The following PPP1R9A variants were observed in gnomAD, a reference collection of about 807,000 sequenced individuals.
PPP1R9A encodes protein phosphatase 1 regulatory subunit 9A.
In PPP1R9A, 59 loss-of-function variants were observed where a neutral mutation model predicts 141.9. The observed-to-expected ratio is 0.42, with a 90% CI of 0.34 to 0.52. The LOEUF is 0.52. Among genes scored for constraint, PPP1R9A ranks in the 20% least tolerant of loss-of-function variants. The probability of loss-of-function intolerance (pLI) is 0.10; values close to 1 mark genes in which losing one functional copy is unlikely to be tolerated. For missense variants in PPP1R9A, 1,444 were observed against 1,611.9 expected (o/e 0.90, Z 1.78); for synonymous variants, 500 against 569.7 (o/e 0.88, Z 1.74).
intron 2 of PPP1R9A, among the ~76,000 whole-genome samples, chr7:95,023,875 T>TGTTA (rs1380707081): frequency 1.3e-5 from 2 of 152,180 alleles, no homozygotes; most frequent in Non-Finnish European, 2.9e-5. Context: ...TTAATTGTGA[T>TGTTA]GTTAGGGTGT....
At chr7:95,006,920 T>G (rs1256647775) in intron 2 of PPP1R9A, among the ~76,000 whole-genome samples, 4 of 151,752 alleles carry the variant, frequency 2.6e-5, no homozygotes, top group Non-Finnish European at 4.4e-5. Context: ...TGGAGTGCAA[T>G]GCTGCGATCT....
chr7:95,039,506 C>T lies in PPP1R9A; in HGVS notation c.1396-71753C>T, dbSNP rs548136745. Among the ~76,000 whole-genome samples the T allele has an allele frequency of 2.7e-5, 4 of 150,028 alleles. No homozygotes were observed. In the East Asian group the frequency reaches 7.8e-4, roughly 29 times the overall value. On this transcript the variant is annotated intron_variant, in intron 2 of 19. Coordinates refer to ENST00000433360, the MANE Select transcript of PPP1R9A (RefSeq NM_001166160.2). ...CTGGGAGGCAGAGGTTGCAGTGAGC[C>T]AAGATCATGCCACTGTACTCCAGCC...
chr7:95,189,433 CTTTTTTTTTTT>C (rs1195484637), intron 5 of PPP1R9A, among the ~76,000 whole-genome samples: 1 of 116,232 alleles, frequency 8.6e-6, no homozygotes, highest in Non-Finnish European at 1.7e-5. Flanking sequence ...TTTGTTTATT[CTTTTTTTTTTT>C]TTTTTTTTTT....
At chr7:94,994,118 T>G (rs931250253) in intron 2 of PPP1R9A, among the ~76,000 whole-genome samples, 6 of 152,144 alleles carry the variant, frequency 3.9e-5, no homozygotes, top group Non-Finnish European at 5.9e-5. Flanking sequence ...GGGAAAACTG[T>G]GTATTTTTTT....
chr7:95,036,483 A>T (rs924791839), intron 2 of PPP1R9A: 1 of 152,188 alleles, frequency 6.6e-6, no homozygotes, highest in Non-Finnish European at 1.5e-5. Flanking sequence ...CCCAAGAGCC[A>T]GTTATAGCTA....
In PPP1R9A at chr7:95,273,933, C is replaced by A; in HGVS notation, c.3159C>A (p.Ser1053=). Residue 1053 remains serine, a synonymous_variant, in exon 15 of 20, where the codon TCC becomes TCA. Transcript: ENST00000433360. ...DAKDPKSLRA[S]SSLAVQGGKI... is the part of the protein sequence containing the mutation. ...AAGATCCCAAATCACTAAGGGCATC[C>A]AGTTCATTGGCGGTGCAAGGAGGAA... is the stretch of plus-strand genomic sequence containing the variant. 6.6e-7 allele frequency: 1 copy of A among 1,505,492 alleles called. No individual in the cohort carries two copies. Among genetic ancestry groups the A allele is most frequent in the South Asian group, 1.1e-5 (1 of 88,384 alleles). 93.3% of individuals were successfully genotyped at this position (1,505,492 alleles called of 1,614,324 possible). A position where few individuals can be genotyped will look rare whatever the true frequency, so the allele number is the denominator to read the frequency against.
At chr7:95,092,171 A>G (rs1360884263) in intron 2 of PPP1R9A, among the ~76,000 whole-genome samples, 1 of 152,146 alleles carries the variant, frequency 6.6e-6, no homozygotes, top group East Asian at 1.9e-4. Flanking sequence ...AGTGGATACA[A>G]TCTCACTGAC....
At chr7:95,241,260 C>A (rs933600761) in intron 8 of PPP1R9A, among the ~76,000 whole-genome samples, 14 of 152,164 alleles carry the variant, frequency 9.2e-5, no homozygotes, top group Admixed American at 9.2e-4. Context: ...GCATTTCCCC[C>A]TAACAGTTGC....
rs549738705 is a variant in PPP1R9A, at chr7:95,052,216, G to A, written c.1396-59043G>A. ...AGTCAGTAATGGGCTTAATGTCAGG[G>A]AGACTACGAACTGGCTTGAAATTTA... On this transcript the variant is annotated intron_variant, in intron 2 of 19. Coordinates refer to ENST00000433360, the MANE Select transcript of PPP1R9A (RefSeq NM_001166160.2). 3.3e-5 allele frequency among the ~76,000 whole-genome samples: 5 copies of A among 152,288 alleles called. No individual in the cohort carries two copies. In the South Asian group the frequency reaches 1.0e-3, roughly 32 times the overall value.
intron 5 of PPP1R9A, among the ~76,000 whole-genome samples, chr7:95,186,320 C>G (rs1834643342): frequency 6.6e-6 from 1 of 151,954 alleles, no homozygotes; most frequent in South Asian, 2.1e-4. Flanking sequence ...TCAGCTTGGT[C>G]GATATTGGTG....
chr7:95,038,321 G>A (rs1239276492), intron 2 of PPP1R9A, among the ~76,000 whole-genome samples: 1 of 152,034 alleles, frequency 6.6e-6, no homozygotes, highest in Non-Finnish European at 1.5e-5. Context: ...TAAACTGGTA[G>A]GAACAGTTTA....
intron 14 of PPP1R9A, among the ~76,000 whole-genome samples, chr7:95,272,720 C>T (rs564972096): frequency 7.2e-5 from 11 of 152,140 alleles, no homozygotes; most frequent in South Asian, 4.2e-4. Flanking sequence ...AGGTGTATGT[C>T]GATGTGTGTT....
At chr7:95,228,015 T>G (rs1795382829) in intron 8 of PPP1R9A, among the ~76,000 whole-genome samples, 1 of 152,190 alleles carries the variant, frequency 6.6e-6, no homozygotes, top group Non-Finnish European at 1.5e-5. Flanking sequence ...CTTTATGTGA[T>G]TAATATACAT....
At chr7:95,098,188 T>C (rs1038307021) in intron 2 of PPP1R9A, 12 of 152,158 alleles carry the variant, frequency 7.9e-5, no homozygotes, top group African/African-American at 2.9e-4. Flanking sequence ...TAACTGGGAA[T>C]TGTAGCCTAG....
chr7:95,286,466 T>A, intron 18 of PPP1R9A, 141 bp downstream of exon 18: 1 of 1,369,704 alleles, frequency 7.3e-7, no homozygotes, highest in African/African-American at 1.5e-5. Flanking sequence ...GAAGTCTTCA[T>A]GATTTCTCTC....
chr7:94,957,698 G>A (rs1237742342), intron 2 of PPP1R9A, among the ~76,000 whole-genome samples: 1 of 152,022 alleles, frequency 6.6e-6, no homozygotes, highest in Non-Finnish European at 1.5e-5. Flanking sequence ...ATTTCATGGA[G>A]ATATACAATG....
intron 2 of PPP1R9A, among the ~76,000 whole-genome samples, chr7:95,098,865 G>A (rs1293288959): frequency 6.6e-6 from 1 of 152,102 alleles, no homozygotes; most frequent in African/African-American, 2.4e-5. Context: ...ACCCCTGGGG[G>A]ATTTTCATGG....
intron 8 of PPP1R9A, among the ~76,000 whole-genome samples, chr7:95,241,796 A>T (rs1250871519): frequency 1.3e-5 from 2 of 152,190 alleles, no homozygotes; most frequent in Non-Finnish European, 2.9e-5. Flanking sequence ...ACATTAAGTT[A>T]TCTTTATGGA....
intron 4 of PPP1R9A, among the ~76,000 whole-genome samples, chr7:95,125,275 G>A (rs893465361): frequency 1.3e-5 from 2 of 151,992 alleles, no homozygotes; most frequent in South Asian, 2.1e-4. Flanking sequence ...GCCACAGTGC[G>A]GGGCTTTTAG....
Sources: allele counts gnomAD v4.1 joint callset (sites outside exome capture counted in the v4.1 genomes callset), GRCh38; gene constraint gnomAD v4.1.1; transcripts MANE v1.5; gene names NCBI Gene and HGNC (gene_info 2026-07-23, HGNC 2026-07-21).